The following LMNB2 variants were observed in gnomAD, a reference collection of about 807,000 sequenced individuals.
LMNB2 encodes the protein lamin-B2.
Under a neutral mutation model 69.3 loss-of-function variants are expected in LMNB2, and 17 were observed. The observed-to-expected ratio is 0.25, with a 90% CI of 0.17 to 0.37. The LOEUF is 0.37. LMNB2 is among the 10% of genes least tolerant of loss of function. The probability of loss-of-function intolerance (pLI) is 1.00; values close to 1 mark genes in which losing one functional copy is unlikely to be tolerated. For synonymous variants in LMNB2, 397 were observed against 389.3 expected, an observed-to-expected ratio of 1.02 and a Z score of -0.23; for missense variants, 789 against 883.6, an observed-to-expected ratio of 0.89 and a Z score of 1.36.
rs1336949486 is a variant in LMNB2, at chr19:2,438,298, A to G, written c.559-10T>C. On this transcript the variant is annotated splice_polypyrimidine_tract_variant and intron_variant, in intron 3 of 11. Coordinates refer to ENST00000325327, the MANE Select transcript of LMNB2 (RefSeq NM_032737.4). The stretch of plus-strand genomic sequence containing the variant: ...CATGACCGTCCTCGGCCTGGGAGAC[A>G]CAGGACAGCGAGCTGGTGTGACAAT... 3 of 1,613,882 alleles carry G rather than the reference A, an allele frequency of 1.9e-6. No individual in the cohort carries two copies. The South Asian group carries it at 3.3e-5, about 18-fold the overall frequency.
At position 2,434,087 on chromosome 19, in the gene LMNB2, G is replaced by T. The variant is rs766553520; in HGVS notation, c.1221C>A (p.Ser407Arg). Residue 407 changes from serine to arginine, a missense_variant, in exon 8 of 12, where the codon AGC becomes AGA. Ser to Arg is a moderately radical substitution (Grantham distance 110, BLOSUM62 -1). This residue lies in a region of LMNB2 where 609 missense variants were observed against 630.9 expected (regional missense o/e 0.97). Transcript: ENST00000325327. ...GEEERLKLSP[S>R]PSSRVTVSRA... ...GTGAGACGGTGACGCGCGAGGATGG[G>T]CTGGGGGACAGCTTCAGCCTGTGGG... 6.9e-6 allele frequency: 11 copies of T among 1,590,952 alleles called. No individual in the cohort carries two copies. The East Asian group carries it at 2.3e-4, about 33-fold the overall frequency.
chr19:2,452,598 C>T (rs1278583305), intron 1 of LMNB2, among the ~76,000 whole-genome samples: 2 of 151,818 alleles, frequency 1.3e-5, no homozygotes, highest in African/African-American at 4.8e-5. Flanking sequence ...TGGTGGTACA[C>T]GCCTGTAATC....
Position 2,438,212 on chromosome 19 carries a change from C to T in LMNB2, c.635G>A (p.Cys212Tyr). The T allele has an allele frequency of 1.2e-6, 2 of 1,614,080 alleles. No homozygotes were observed. The highest frequency in any genetic ancestry group is 1.7e-6 in the Non-Finnish European group (2 of 1,180,040). Residue 212 changes from cysteine to tyrosine, a missense_variant, in exon 4 of 12, where the codon TGC becomes TAC. Coordinates refer to ENST00000325327, the MANE Select transcript of LMNB2 (RefSeq NM_032737.4). Reference sequence around the variant, plus strand: ...GTCCAGCTCCTCCTGCAGGCTCTGGCAGCGGTTCTCCAGGTCCACACGCAT... The same window carrying T: ...GTCCAGCTCCTCCTGCAGGCTCTGGTAGCGGTTCTCCAGGTCCACACGCAT... ...TLMRVDLENR[C>Y]QSLQEELDFR...
Position 2,430,646 on chromosome 19 carries a change from T to C in LMNB2, c.*265A>G. ...AAGCATCTTCTAAACCTCCGGGTCC[T>C]GGCCCTGGGCTTCCAATTTGACCAA... On this transcript the variant is annotated 3_prime_UTR_variant, in exon 12 of 12. Transcript: ENST00000325327. 1.8e-6 allele frequency: 1 copy of C among 556,900 alleles called. No individual in the cohort carries two copies. The highest frequency in any genetic ancestry group is 3.3e-6 in the Non-Finnish European group (1 of 306,318). 34.5% of individuals were successfully genotyped at this position (556,900 alleles called of 1,614,324 possible). A position where few individuals can be genotyped will look rare whatever the true frequency, so the allele number is the denominator to read the frequency against.
chr19:2,442,411 G>T (rs762342083), intron 2 of LMNB2, among the ~76,000 whole-genome samples: 6 of 151,950 alleles, frequency 3.9e-5, no homozygotes, highest in Non-Finnish European at 7.4e-5. Flanking sequence ...GGCCAACTTG[G>T]TAAAAAAATT....
At chr19:2,444,041 C>T (rs1358508953) in intron 2 of LMNB2, among the ~76,000 whole-genome samples, 3 of 152,156 alleles carry the variant, frequency 2.0e-5, no homozygotes, top group African/African-American at 4.8e-5. Flanking sequence ...TGAGGTCAAA[C>T]GCGTCTCACG....
At chr19:2,438,067 G>C in intron 4 of LMNB2, 96 bp downstream of exon 4, 2 of 1,580,648 alleles carry the variant, frequency 1.3e-6, no homozygotes, top group East Asian at 2.2e-5. Context: ...GAGGGACCCC[G>C]GCCACACGGT....
chr19:2,431,204 C>A (rs1971734964), intron 11 of LMNB2, among the ~76,000 whole-genome samples: 1 of 152,212 alleles, frequency 6.6e-6, no homozygotes, highest in Admixed American at 6.5e-5. Flanking sequence ...CTGCACTCAT[C>A]TTCTCCCCAG....
At chr19:2,456,554 A>G (rs1599344792) in intron 1 of LMNB2, 116 bp downstream of exon 1, 1 of 1,079,708 alleles carries the variant, frequency 9.3e-7, no homozygotes, top group African/African-American at 2.0e-5. Flanking sequence ...GAAACCCCCG[A>G]AGCCGGGGCC....
intron 2 of LMNB2, among the ~76,000 whole-genome samples, chr19:2,441,136 T>C (rs1971895818): frequency 1.3e-5 from 2 of 152,244 alleles, no homozygotes; most frequent in Admixed American, 1.3e-4. Flanking sequence ...GGGCAGCCAC[T>C]GTGTAAACAG....
rs765785713 is a variant in LMNB2, at chr19:2,433,958, G to T, written c.1350C>A (p.Ser450Arg). The T allele has an allele frequency of 3.1e-6, 5 of 1,611,354 alleles. No homozygotes were observed. The highest frequency in any genetic ancestry group is 1.7e-4 in the Middle Eastern group (1 of 6,060). The change falls in exon 8 of 12, where the codon AGC becomes AGA. Residue 450 changes from serine to arginine, a missense_variant. Transcript: ENST00000325327. Reference sequence around the variant, plus strand: ...TGCCACCCGTGCCCGTGCCCAGGACGCTTGGGCCGCTGCCCAAGGGCTCCT... The same window carrying T: ...TGCCACCCGTGCCCGTGCCCAGGACTCTTGGGCCGCTGCCCAAGGGCTCCT... ...EVEEPLGSGP[S>R]VLGTGTGGSG...
At chr19:2,431,680 G>A (rs202017219) in intron 10 of LMNB2, 22 bp from the exon 11 acceptor site, 375 of 1,614,020 alleles carry the variant, frequency 2.3e-4, no homozygotes, top group East Asian at 2.3e-3. Context: ...AGGACACGGC[G>A]GCATGTCCCG....
At position 2,431,534 on chromosome 19, in the gene LMNB2, C is replaced by T. The variant is rs1243726300; in HGVS notation, c.1821+14G>A. 4.3e-6 allele frequency: 7 copies of T among 1,613,972 alleles called. No individual in the cohort carries two copies. Among genetic ancestry groups the T allele is most frequent in the Middle Eastern group, 1.6e-4 (1 of 6,062 alleles). ...AGGCTGCCCCCCAGCCGCAAGTGGG[C>T]ACAGGGGTCCTACCTGTTGGTGGAA... On this transcript the variant is annotated intron_variant, in intron 11 of 11. Transcript: ENST00000325327.
chr19:2,449,613 C>A (rs1971997013), intron 1 of LMNB2, among the ~76,000 whole-genome samples: 1 of 151,816 alleles, frequency 6.6e-6, no homozygotes, highest in Non-Finnish European at 1.5e-5. Context: ...AACCCTGTCT[C>A]TATTAAAACA....
intron 4 of LMNB2, among the ~76,000 whole-genome samples, chr19:2,436,514 C>T (rs1168185903): frequency 1.2e-4 from 18 of 151,326 alleles, no homozygotes; most frequent in South Asian, 4.2e-4. Flanking sequence ...CCCACCTCCA[C>T]GGCCGCCCTC....
At chr19:2,438,019 AC>A in intron 4 of LMNB2, 143 bp downstream of exon 4, 1 of 1,216,758 alleles carries the variant, frequency 8.2e-7, no homozygotes, top group Non-Finnish European at 1.2e-6. Context: ...AGCCAAGGGC[AC>A]CCTAAGAGGC....
In LMNB2 at chr19:2,443,855, T is replaced by A. The variant is rs909243330; in HGVS notation, c.401+549A>T. On this transcript the variant is annotated intron_variant, in intron 2 of 11. Coordinates refer to ENST00000325327, the MANE Select transcript of LMNB2 (RefSeq NM_032737.4). The surrounding 1 kb of genome is among the most constrained non-coding windows in gnomAD (Gnocchi z 6.2). Reference sequence around the variant, plus strand: ...CTCACTGCCAGGCTGAGAGGGGAGATCGTTTCTGCCGATGGACACAGTTGT... The same window carrying A: ...CTCACTGCCAGGCTGAGAGGGGAGAACGTTTCTGCCGATGGACACAGTTGT... Among the ~76,000 whole-genome samples, 1 of 151,822 alleles carries A rather than the reference T, an allele frequency of 6.6e-6. No individual in the cohort carries two copies. The highest frequency in any genetic ancestry group is 2.1e-4 in the South Asian group (1 of 4,810).
chr19:2,452,685 C>T (rs948338297), intron 1 of LMNB2, among the ~76,000 whole-genome samples: 2 of 152,086 alleles, frequency 1.3e-5, no homozygotes, highest in Admixed American at 6.6e-5. Context: ...GAGATCACAC[C>T]ACTGCACTCC....
intron 1 of LMNB2, among the ~76,000 whole-genome samples, chr19:2,445,869 C>G (rs1332600165): frequency 2.1e-5 from 2 of 97,218 alleles, no homozygotes; most frequent in African/African-American, 8.7e-5. Context: ...CAACTCCCCA[C>G]CCCACCAGCC....
Sources: gnomAD v4.1 joint callset for allele counts (sites outside exome capture counted in the v4.1 genomes callset) on GRCh38, gnomAD v4.1.1 for gene constraint, gnomAD v4.1.1 regional missense constraint, Gnocchi (gnomAD v3.1) non-coding constraint, MANE v1.5 for transcripts, NCBI Gene and HGNC (gene_info 2026-07-23, HGNC 2026-07-21) for gene names.